Variants in KLHL25 observed in about 807,000 individuals in gnomAD.
The protein encoded by KLHL25 is kelch like family member 25, also known as kelch-like protein 25.
In KLHL25, 41 loss-of-function variants were observed where a neutral mutation model predicts 30.0. The ratio of observed to expected loss-of-function variants is 1.37; its 90% CI spans 1.07 to 1.78. KLHL25 has a LOEUF of 1.78. KLHL25 is among the 40% of genes most tolerant of loss of function. KLHL25 has a pLI of 0.00. For synonymous variants in KLHL25, 399 were observed against 355.3 expected (o/e 1.12, Z -1.38); for missense variants, 971 against 824.5 (o/e 1.18, Z -2.18).
At chr15:85,775,124 G>C (rs747638545) in intron 1 of KLHL25, among the ~76,000 whole-genome samples, 1 of 152,128 alleles carries the variant, frequency 6.6e-6, no homozygotes, top group African/African-American at 2.4e-5. Context: ...TGATCTGCCC[G>C]TCTTAGCCTC....
intron 2 of KLHL25, chr15:85,762,643 C>T (rs1056343763): frequency 1.9e-4 from 29 of 152,426 alleles, no homozygotes; most frequent in African/African-American, 6.5e-4. Flanking sequence ...AGGGCCTGCC[C>T]CACTAGGCTC....
At chr15:85,769,868 C>A in intron 1 of KLHL25, 48 bp from the exon 2 acceptor site, 10 of 1,472,682 alleles carry the variant, frequency 6.8e-6, no homozygotes, top group Non-Finnish European at 9.2e-6. Context: ...TCCTGCCCAT[C>A]TGCCCTCTCA....
chr15:85,793,257 C>T (rs1038192344), intron 1 of KLHL25, among the ~76,000 whole-genome samples: 4 of 152,192 alleles, frequency 2.6e-5, no homozygotes, highest in Admixed American at 2.0e-4. Context: ...CTCCGCACCA[C>T]ATACATAAAT....
chr15:85,789,895 G>A lies in KLHL25; in HGVS notation c.-11+4871C>T, dbSNP rs893806182. Among the ~76,000 whole-genome samples, 16 of 152,204 alleles carry A rather than the reference G, an allele frequency of 1.1e-4. No individual in the cohort carries two copies. The highest frequency in any genetic ancestry group is 3.9e-4 in the African/African-American group (16 of 41,442). On this transcript the variant is annotated intron_variant, in intron 1 of 2. Transcript: ENST00000337975. The surrounding 1 kb of genome is among the most constrained non-coding windows in gnomAD (Gnocchi z 4.1). ...TGGGCAGGGACAGGGAACTGCCAGA[G>A]GCTCAAGGAGAACAGCCCCGTCCCT...
chr15:85,774,046 A>G (rs1400419482), intron 1 of KLHL25, among the ~76,000 whole-genome samples: 4 of 152,098 alleles, frequency 2.6e-5, no homozygotes, highest in Non-Finnish European at 5.9e-5. Context: ...TGACATACCC[A>G]GCCTCATAGC....
Position 85,769,225 on chromosome 15 carries a change from G to C in KLHL25, c.586C>G (p.Leu196Val). 2.5e-6 allele frequency: 4 copies of C among 1,613,804 alleles called. No homozygotes were observed. The highest frequency in any genetic ancestry group is 3.4e-6 in the Non-Finnish European group (4 of 1,180,032). ...NSLSKDTLLDLISSDELETED... is the reference protein window; with the variant it reads ...NSLSKDTLLDVISSDELETED... ...GTCTCCAGCTCATCACTCGAGATGA[G>C]GTCCAGCAGTGTGTCCTTGGACAGG... The change falls in exon 2 of 3, where the codon CTC becomes GTC. Residue 196 changes from leucine (L) to valine (V), a missense_variant. Coordinates refer to ENST00000337975, the MANE Select transcript of KLHL25 (RefSeq NM_022480.4).
intron 1 of KLHL25, among the ~76,000 whole-genome samples, chr15:85,784,488 T>G (rs8036906): frequency 0.81 from 122,690 of 151,884 alleles, 49,654 homozygotes; most frequent in East Asian, 0.95. Context: ...CTGACGTTGC[T>G]CTACTGCACT....
At position 85,768,797 on chromosome 15, in the gene KLHL25, G is replaced by A. The variant is rs150792633; in HGVS notation, c.1014C>T (p.Ile338=). 21 of 1,613,122 alleles carry A rather than the reference G, an allele frequency of 1.3e-5. No individual in the cohort carries two copies. Among genetic ancestry groups the A allele is most frequent in the Non-Finnish European group, 1.6e-5 (19 of 1,180,046 alleles). Reference sequence around the variant, plus strand: ...CCCCCGTCACATAGACCTTGCAGCCGATCGCTGAGGCGCTGAACTCCTTCC... The same window carrying A: ...CCCCCGTCACATAGACCTTGCAGCCAATCGCTGAGGCGCTGAACTCCTTCC... The part of the protein sequence containing the change: ...SPRKEFSASA[I]GCKVYVTGGR... Residue 338 remains isoleucine (I), a synonymous_variant, in exon 2 of 3, where the codon ATC becomes ATT. Coordinates refer to ENST00000337975, the MANE Select transcript of KLHL25 (RefSeq NM_022480.4).
rs71141486 is a variant in KLHL25 at position 85,774,880 on chromosome 15, CT to C, written c.-10-5061del. Among the ~76,000 whole-genome samples, 957 of 140,418 alleles carry C rather than the reference CT, an allele frequency of 6.8e-3. 5 individuals carry two copies. Among genetic ancestry groups the C allele is most frequent in the African/African-American group, 0.018 (701 of 38,408 alleles). 92.1% of individuals were successfully genotyped at this position (140,418 alleles called of 152,430 possible). A position where few individuals can be genotyped will look rare whatever the true frequency, so the allele number is the denominator to read the frequency against. ...CGCAGTGCGATTCTTTTTTTCTTTT[CT>C]TTTTTTTTTTTTTGAGACGGAGTCT... On this transcript the variant is annotated intron_variant, in intron 1 of 2. Coordinates refer to ENST00000337975, the MANE Select transcript of KLHL25 (RefSeq NM_022480.4).
intron 2 of KLHL25, among the ~76,000 whole-genome samples, chr15:85,766,490 G>A (rs1308959246): frequency 6.6e-6 from 1 of 152,210 alleles, no homozygotes; most frequent in Non-Finnish European, 1.5e-5. Context: ...CTCTCTCGTG[G>A]CAGGACCTCA....
intron 1 of KLHL25, among the ~76,000 whole-genome samples, chr15:85,776,933 T>TA (rs1281034033): frequency 2.0e-5 from 3 of 149,078 alleles, no homozygotes; most frequent in Non-Finnish European, 4.4e-5. Flanking sequence ...TCAAAAAAAA[T>TA]AAATAAATAA....
intron 2 of KLHL25, among the ~76,000 whole-genome samples, chr15:85,765,843 GAAAAAGA>G (rs2089620150): frequency 7.7e-6 from 1 of 130,670 alleles, no homozygotes; most frequent in African/African-American, 2.7e-5. Flanking sequence ...AAAAAAAAAA[GAAAAAGA>G]AAAAAGAAAA....
At chr15:85,788,776 A>G (rs2937934) in intron 1 of KLHL25, among the ~76,000 whole-genome samples, 141,435 of 152,272 alleles carry the variant, frequency 0.93, 65,700 homozygotes, top group East Asian at 0.98. Context: ...TGCATGAACA[A>G]AGCTGGGTAC....
chr15:85,776,754 C>T (rs1203921353), intron 1 of KLHL25, among the ~76,000 whole-genome samples: 3 of 151,348 alleles, frequency 2.0e-5, no homozygotes, highest in Non-Finnish European at 4.4e-5. Context: ...TGAAACCCTG[C>T]CTCTACTAAA....
rs1184224562 is a variant in KLHL25, at chr15:85,768,121, T to G, written c.1690A>C (p.Thr564Pro). 6.2e-7 allele frequency: 1 copy of G among 1,614,234 alleles called. No homozygotes were observed. The highest frequency in any genetic ancestry group is 1.7e-5 in the Admixed American group (1 of 60,028). Residue 564 changes from threonine to proline, a missense_variant, in exon 2 of 3, where the codon ACA becomes CCA. Physicochemically the swap from Thr to Pro is conservative, Grantham distance 38. Transcript: ENST00000337975. The part of the protein sequence containing the change: ...TLDCYDPTSD[T>P]WNCITTVPYS... ...GGCACTGTGGTGATGCAGTTCCATG[T>G]ATCTGAAGTGGGGTCATAGCAGTCC...
At chr15:85,771,840 C>T (rs1351029941) in intron 1 of KLHL25, among the ~76,000 whole-genome samples, 1 of 152,224 alleles carries the variant, frequency 6.6e-6, no homozygotes, top group Non-Finnish European at 1.5e-5. Flanking sequence ...CCTACTCAGG[C>T]CTCCACAACT....
At chr15:85,771,142 C>A (rs17577869) in intron 1 of KLHL25, 30,710 of 181,364 alleles carry the variant, frequency 0.17, 3,027 homozygotes, top group Non-Finnish European at 0.23. Context: ...AGAGGACCTA[C>A]GCTCCAGCTG....
chr15:85,770,129 A>G (rs932111183), intron 1 of KLHL25, among the ~76,000 whole-genome samples: 1 of 152,214 alleles, frequency 6.6e-6, no homozygotes, highest in African/African-American at 2.4e-5. Context: ...CATGGTTAAG[A>G]GAACATGCAA....
In KLHL25 at chr15:85,769,499, A is replaced by G. The variant is rs1247885182; in HGVS notation, c.312T>C (p.Phe104=). 1 of 1,614,008 alleles carries G rather than the reference A, an allele frequency of 6.2e-7. No individual in the cohort carries two copies. Among genetic ancestry groups the G allele is most frequent in the South Asian group, 1.1e-5 (1 of 91,084 alleles). ...TGATGGCGATGCGTGAGGAGTAGGC[A>G]AAGTCCAGCAGCAGCTCCAGCACCT... ...HPEVLELLLD[F]AYSSRIAINE... is the part of the protein sequence containing the mutation. Residue 104 remains phenylalanine, a synonymous_variant, in exon 2 of 3, where the codon TTT becomes TTC. Transcript: ENST00000337975.
Sources: allele counts gnomAD v4.1 joint callset (sites outside exome capture counted in the v4.1 genomes callset), GRCh38; gene constraint gnomAD v4.1.1; non-coding constraint Gnocchi (gnomAD v3.1); transcripts MANE v1.5; gene names NCBI Gene and HGNC (gene_info 2026-07-23, HGNC 2026-07-21).